ANGPTL7: variants seen among roughly 807,000 people sequenced by gnomAD.
ANGPTL7 encodes angiopoietin like 7.
ANGPTL7 carries 37 observed loss-of-function variants against 38.8 expected under a neutral mutation model. The observed-to-expected ratio is 0.95, with a 90% CI of 0.73 to 1.25. The LOEUF (loss-of-function observed/expected upper bound fraction) is 1.25, where lower values mean the gene tolerates loss of function less well. Ranked by LOEUF, ANGPTL7 falls within the 50% of genes most tolerant of loss-of-function variation. The pLI is 0.00. For missense variants in ANGPTL7, 427 were observed against 438.6 expected (o/e 0.97, Z 0.24); for synonymous variants, 166 against 163.2 (o/e 1.02, Z -0.13).
chr1:11,190,504 G>A (rs577121527), intron 1 of ANGPTL7, among the ~76,000 whole-genome samples: 1 of 152,276 alleles, frequency 6.6e-6, no homozygotes, highest in East Asian at 1.9e-4. Context: ...GTCCCTTTGT[G>A]TTCAGGAAGG....
rs138532214 is a variant in ANGPTL7 at position 11,192,347 on chromosome 1, T to C, written c.454T>C (p.Phe152Leu). Residue 152 changes from phenylalanine (F) to leucine (L), a missense_variant, in exon 2 of 5, where the codon TTC becomes CTC. Physicochemically the swap from Phe to Leu is conservative, Grantham distance 22. Transcript: ENST00000376819. The stretch of plus-strand genomic sequence containing the variant: ...AGTGTATAAGCTTCCTCCTGATGAC[T>C]TCCTGGGCAGCCCTGAACTGGAGGT... ...SGVYKLPPDD[F>L]LGSPELEVFC... 147 of 1,613,774 alleles carry C rather than the reference T, an allele frequency of 9.1e-5. No homozygotes were observed. Among genetic ancestry groups the C allele is most frequent in the Non-Finnish European group, 1.2e-4 (144 of 1,179,852 alleles).
At chr1:11,190,047 G>A in intron 1 of ANGPTL7, 92 bp downstream of exon 1, 1 of 1,457,734 alleles carries the variant, frequency 6.9e-7, no homozygotes, top group Non-Finnish European at 9.2e-7. Flanking sequence ...CACTACTGGG[G>A]CCTCTTTTGT....
chr1:11,191,021 A>G lies in ANGPTL7; in HGVS notation c.376+1066A>G, dbSNP rs549876921. ...AGTTTGGGATTAGAAAGGTATTCTC[A>G]GGCCATTTTCCAGACAAGTGAGTCC... On this transcript the variant is annotated intron_variant, in intron 1 of 4. Transcript: ENST00000376819. Among the ~76,000 whole-genome samples the G allele has an allele frequency of 4.6e-5, 7 of 152,318 alleles. No homozygotes were observed. In the South Asian group the frequency reaches 1.4e-3, roughly 32 times the overall value.
chr1:11,193,949 AC>A (rs5772444), intron 3 of ANGPTL7, among the ~76,000 whole-genome samples, 175 bp downstream of exon 3: 128,615 of 152,068 alleles, frequency 0.85, 54,880 homozygotes, highest in African/African-American at 0.96. Flanking sequence ...CCTTTCTGCA[AC>A]CCCCCCAACC....
intron 4 of ANGPTL7, 91 bp from the exon 5 acceptor site, chr1:11,194,763 G>T: frequency 6.3e-7 from 1 of 1,596,286 alleles, no homozygotes; most frequent in Non-Finnish European, 8.6e-7. Context: ...TTCCGGTTTT[G>T]GTATTCTTTC....
At chr1:11,192,748 T>TAAAA (rs56996673) in intron 2 of ANGPTL7, among the ~76,000 whole-genome samples, 1 of 119,250 alleles carries the variant, frequency 8.4e-6, no homozygotes, top group African/African-American at 3.2e-5. Flanking sequence ...CCATTTCAAT[T>TAAAA]AAAAAAAAAA....
At chr1:11,192,177 C>A in intron 1 of ANGPTL7, 93 bp from the exon 2 acceptor site, 2 of 932,408 alleles carry the variant, frequency 2.1e-6, no homozygotes, top group Non-Finnish European at 1.7e-6. Context: ...CACTGAGAAT[C>A]CCAGGGTAGA....
rs748486278 is a variant in ANGPTL7, at chr1:11,195,067, G to A, written c.*44G>A. 3.1e-6 allele frequency: 5 copies of A among 1,598,212 alleles called. No individual in the cohort carries two copies. Among genetic ancestry groups the A allele is most frequent in the African/African-American group, 1.3e-5 (1 of 74,664 alleles). ...CACGGATACAGAAACTGAGACACGT[G>A]GAGACTGGATGAGGGCAGATGAGGA... On this transcript the variant is annotated 3_prime_UTR_variant, in exon 5 of 5. Transcript: ENST00000376819.
rs1645763329 is a variant in ANGPTL7, at chr1:11,195,785, T to C, written c.*762T>C. On this transcript the variant is annotated 3_prime_UTR_variant, in exon 5 of 5. Coordinates refer to ENST00000376819, the MANE Select transcript of ANGPTL7 (RefSeq NM_021146.4). ...ACAGGTATATCTATTTTTATTTACT[T>C]TGTAAGAAACAAGCTCAAGGAGCTT... 6.6e-6 allele frequency: 1 copy of C among 152,604 alleles called. No homozygotes were observed. Among genetic ancestry groups the C allele is most frequent in the Non-Finnish European group, 1.5e-5 (1 of 68,044 alleles). 9.5% of individuals were successfully genotyped at this position (152,604 alleles called of 1,614,324 possible). A position where few individuals can be genotyped will look rare whatever the true frequency, so the allele number is the denominator to read the frequency against.
Position 11,189,762 on chromosome 1 carries a change from C to T in ANGPTL7, c.183C>T (p.Ser61=), listed in dbSNP as rs750112019. The change falls in exon 1 of 5, where the codon AGC becomes AGT. Residue 61 remains serine, a synonymous_variant. Coordinates refer to ENST00000376819, the MANE Select transcript of ANGPTL7 (RefSeq NM_021146.4). ...AGGCCCAAGTTGCCAACCTTAGCAG[C>T]CTGCTGAGTGAACTGAACAAGAAGC... ...ELKAQVANLS[S]LLSELNKKQE... 3.1e-6 allele frequency: 5 copies of T among 1,614,030 alleles called. No individual in the cohort carries two copies. The highest frequency in any genetic ancestry group is 1.6e-4 in the Middle Eastern group (1 of 6,084).
In ANGPTL7 at chr1:11,194,625, C is replaced by A. The variant is rs368746195; in HGVS notation, c.837C>A (p.Asp279Glu). ...TCAGCACCAAGGACAAGGACAATGA[C>A]AACTGCTTGGACAAGTGTGCACAGC... ...TAFSTKDKDN[D>E]NCLDKCAQLR... Residue 279 changes from aspartate (D) to glutamate (E), a missense_variant, in exon 4 of 5, where the codon GAC becomes GAA. Coordinates refer to ENST00000376819, the MANE Select transcript of ANGPTL7 (RefSeq NM_021146.4). The A allele has an allele frequency of 3.1e-6, 5 of 1,614,086 alleles. No individual in the cohort carries two copies. Among genetic ancestry groups the A allele is most frequent in the Non-Finnish European group, 4.2e-6 (5 of 1,180,050 alleles).
chr1:11,192,308 T>C lies in ANGPTL7; in HGVS notation c.415T>C (p.Tyr139His), dbSNP rs770899260. 4 of 1,613,952 alleles carry C rather than the reference T, an allele frequency of 2.5e-6. No individual in the cohort carries two copies. The highest frequency in any genetic ancestry group is 1.7e-5 in the Admixed American group (1 of 60,002). ...YDCSSLYQKN[Y>H]RISGVYKLPP... Reference sequence around the variant, plus strand: ...CTGCTCTTCCCTCTACCAGAAGAACTACCGCATCTCTGGAGTGTATAAGCT... The same window carrying C: ...CTGCTCTTCCCTCTACCAGAAGAACCACCGCATCTCTGGAGTGTATAAGCT... Residue 139 changes from tyrosine to histidine, a missense_variant, in exon 2 of 5, where the codon TAC becomes CAC. Tyr to His is a moderately conservative substitution (Grantham distance 83). Transcript: ENST00000376819.
chr1:11,194,666 T>A lies in ANGPTL7; in HGVS notation c.871+7T>A. The A allele has an allele frequency of 1.2e-6, 2 of 1,613,970 alleles. No homozygotes were observed. Among genetic ancestry groups the A allele is most frequent in the Admixed American group, 3.3e-5 (2 of 60,010 alleles). Reference sequence around the variant, plus strand: ...TGTGCACAGCTCCGCAAAGGTGAGATTTGGGGGGACCGGAAAGGAGAAGTT... The same window carrying A: ...TGTGCACAGCTCCGCAAAGGTGAGAATTGGGGGGACCGGAAAGGAGAAGTT... On this transcript the variant is annotated splice_region_variant and intron_variant, in intron 4 of 4. Coordinates refer to ENST00000376819, the MANE Select transcript of ANGPTL7 (RefSeq NM_021146.4).
At chr1:11,193,483 TG>T in intron 2 of ANGPTL7, 96 bp from the exon 3 acceptor site, 1 of 1,112,962 alleles carries the variant, frequency 9.0e-7, no homozygotes, top group South Asian at 1.6e-5. Context: ...ACACATCTAC[TG>T]GCTCTGCAGG....
In ANGPTL7 at chr1:11,189,483, G is replaced by C. The variant is rs1052363660; in HGVS notation, c.-97G>C. 1.4e-6 allele frequency: 2 copies of C among 1,404,894 alleles called. No individual in the cohort carries two copies. The highest frequency in any genetic ancestry group is 1.4e-5 in the African/African-American group (1 of 69,520). The allele number at this position is 1,404,894 out of a possible 1,614,324, so 87.0% of individuals were successfully genotyped here. A position where few individuals can be genotyped will look rare whatever the true frequency, so the allele number is the denominator to read the frequency against. Reference sequence around the variant, plus strand: ...GTGGCGAGGCCCTCAGAGTGAAAGCGTAAGGTTCAGTCAGCCTGCTGCAGC... The same window carrying C: ...GTGGCGAGGCCCTCAGAGTGAAAGCCTAAGGTTCAGTCAGCCTGCTGCAGC... On this transcript the variant is annotated 5_prime_UTR_variant, in exon 1 of 5. Coordinates refer to ENST00000376819, the MANE Select transcript of ANGPTL7 (RefSeq NM_021146.4).
rs1023133912 is a variant in ANGPTL7, at chr1:11,189,595, C to T, written c.16C>T (p.Leu6Phe). The T allele has an allele frequency of 2.5e-6, 4 of 1,608,124 alleles. No homozygotes were observed. The highest frequency in any genetic ancestry group is 3.4e-6 in the Non-Finnish European group (4 of 1,177,178). Residue 6 changes from leucine to phenylalanine, a missense_variant, in exon 1 of 5, where the codon CTC becomes TTC. Coordinates refer to ENST00000376819, the MANE Select transcript of ANGPTL7 (RefSeq NM_021146.4). ...CCCACAAAAGATGCTGAAAAAGCCT[C>T]TCTCAGCTGTGACCTGGCTCTGCAT... Reference protein sequence around the residue: MLKKPLSAVTWLCIFI... With the variant: MLKKPFSAVTWLCIFI...
chr1:11,193,051 A>G (rs751070659), intron 2 of ANGPTL7, among the ~76,000 whole-genome samples: 7 of 152,106 alleles, frequency 4.6e-5, no homozygotes, highest in Non-Finnish European at 1.0e-4. Flanking sequence ...GGTGGCTCAC[A>G]CCTGTAATCC....
chr1:11,191,497 C>T (rs1645529135), intron 1 of ANGPTL7, among the ~76,000 whole-genome samples: 1 of 152,156 alleles, frequency 6.6e-6, no homozygotes, highest in Admixed American at 6.5e-5. Context: ...ACATAGCAGG[C>T]AGGAAGCTTC....
Position 11,193,792 on chromosome 1 carries a change from G to A in ANGPTL7, c.672+18G>A, listed in dbSNP as rs1645658465. ...AGATGGAGGTAAGCACAAGGCCAGG[G>A]GCCCCATGACTGGACCAGTGCCACC... On this transcript the variant is annotated intron_variant, in intron 3 of 4. Transcript: ENST00000376819. The A allele has an allele frequency of 6.2e-7, 1 of 1,613,320 alleles. No individual in the cohort carries two copies. Among genetic ancestry groups the A allele is most frequent in the Non-Finnish European group, 8.5e-7 (1 of 1,179,756 alleles).
Sources: allele counts gnomAD v4.1 joint callset (sites outside exome capture counted in the v4.1 genomes callset), GRCh38; gene constraint gnomAD v4.1.1; transcripts MANE v1.5; gene names NCBI Gene and HGNC (gene_info 2026-07-23, HGNC 2026-07-21).